The following UGT1A6 variants were observed in gnomAD, a reference collection of about 807,000 sequenced individuals.
UGT1A6 encodes the protein UDP-glucuronosyltransferase 1A6.
Under a neutral mutation model 44.4 loss-of-function variants are expected in UGT1A6, and 32 were observed. That is an observed-to-expected ratio of 0.72 (90% CI 0.54 to 0.97). The LOEUF (loss-of-function observed/expected upper bound fraction) is 0.97. Among genes scored for constraint, UGT1A6 ranks in the 50% least tolerant of loss-of-function variants. The probability of loss-of-function intolerance (pLI) is 0.00; values close to 1 mark genes in which losing one functional copy is unlikely to be tolerated. For missense variants in UGT1A6, 685 were observed against 661.9 expected, an observed-to-expected ratio of 1.03 and a Z score of -0.38; for synonymous variants, 238 against 248.5, an observed-to-expected ratio of 0.96 and a Z score of 0.40.
chr2:233,765,861 A>G (rs1698967280), intron 1 of UGT1A6, among the ~76,000 whole-genome samples: 1 of 152,118 alleles, frequency 6.6e-6, no homozygotes, highest in African/African-American at 2.4e-5. Flanking sequence ...AGAGCATGTG[A>G]CAGCGGGAGG....
chr2:233,740,777 G>C (rs541057948), intron 1 of UGT1A6: 2 of 151,918 alleles, frequency 1.3e-5, no homozygotes, highest in South Asian at 4.2e-4. Flanking sequence ...TTGTATAAAA[G>C]ATGAATACCC....
rs1054717922 is a variant in UGT1A6, at chr2:233,744,074, G to A, written c.862-22960G>A. On this transcript the variant is annotated intron_variant, in intron 1 of 4. Coordinates refer to ENST00000305139, the MANE Select transcript of UGT1A6 (RefSeq NM_001072.4). ...ATTGGTCGAGGCCTATGAGCGCCTC[G>A]CATCCCAAGATGCAGTGCTTCTGGG... The A allele has an allele frequency of 7.4e-5, 35 of 470,704 alleles. No homozygotes were observed. In the Middle Eastern group the frequency reaches 2.5e-3, roughly 34 times the overall value. 29.2% of individuals were successfully genotyped at this position (470,704 alleles called of 1,614,324 possible). A position where few individuals can be genotyped will look rare whatever the true frequency, so the allele number is the denominator to read the frequency against.
intron 1 of UGT1A6, among the ~76,000 whole-genome samples, chr2:233,705,135 TGA>T (rs1491386088): frequency 0.019 from 1,905 of 98,440 alleles, 46 homozygotes; most frequent in African/African-American, 0.1. Context: ...AGACTTCGTC[TGA>T]AAAAAAAAAA....
intron 1 of UGT1A6, among the ~76,000 whole-genome samples, chr2:233,748,343 G>A (rs192012783): frequency 6.6e-5 from 10 of 151,870 alleles, no homozygotes; most frequent in African/African-American, 1.2e-4. Flanking sequence ...GAGACTGTTC[G>A]TTTGTAAAGG....
intron 1 of UGT1A6, among the ~76,000 whole-genome samples, chr2:233,763,630 G>T (rs1698361398): frequency 6.6e-6 from 1 of 152,108 alleles, no homozygotes; most frequent in South Asian, 2.1e-4. Flanking sequence ...CTCTTGTGTT[G>T]ATGGTCCTAT....
intron 1 of UGT1A6, chr2:233,718,075 G>A (rs2076626489): frequency 1.7e-5 from 6 of 344,578 alleles, no homozygotes; most frequent in South Asian, 1.2e-4. Context: ...CCTTGCTAGG[G>A]TTGTCTTGCC....
intron 1 of UGT1A6, among the ~76,000 whole-genome samples, chr2:233,737,610 G>A (rs2078901280): frequency 6.6e-6 from 1 of 152,172 alleles, no homozygotes; most frequent in South Asian, 2.1e-4. Context: ...ACCTCAGTTG[G>A]AAATGCAGAA....
Position 233,692,901 on chromosome 2 carries a change from G to C in UGT1A6, c.-104G>C. ...ATTCAGAGCAAGGGAGAGGTAGACA[G>C]GACCTGTGAAAAGCAGTGGTTAGTT... On this transcript the variant is annotated 5_prime_UTR_variant, in exon 1 of 5. Transcript: ENST00000305139. 1 of 1,544,142 alleles carries C rather than the reference G, an allele frequency of 6.5e-7. No homozygotes were observed. The highest frequency in any genetic ancestry group is 8.7e-7 in the Non-Finnish European group (1 of 1,151,876).
At chr2:233,719,615 C>T in intron 1 of UGT1A6, 1 of 1,614,016 alleles carries the variant, frequency 6.2e-7, no homozygotes, top group Non-Finnish European at 8.5e-7. Flanking sequence ...TGATGGACTA[C>T]CCCAGGCCGA....
intron 1 of UGT1A6, among the ~76,000 whole-genome samples, chr2:233,695,490 A>G (rs1163711980): frequency 2.0e-5 from 3 of 149,960 alleles, no homozygotes; most frequent in East Asian, 3.9e-4. Flanking sequence ...TCTCTTTTCT[A>G]TCAAAGTTTT....
intron 1 of UGT1A6, among the ~76,000 whole-genome samples, chr2:233,742,284 C>G (rs1006206335): frequency 6.6e-6 from 1 of 151,974 alleles, no homozygotes. Context: ...AGCATCATTT[C>G]TATAGATTAT....
At chr2:233,741,345 A>C (rs1260340579) in intron 1 of UGT1A6, among the ~76,000 whole-genome samples, 2 of 151,734 alleles carry the variant, frequency 1.3e-5, no homozygotes, top group African/African-American at 2.4e-5. Flanking sequence ...AGTGATTTCC[A>C]ACACACAAAA....
intron 1 of UGT1A6, chr2:233,719,436 A>G (rs749964914): frequency 6.2e-7 from 1 of 1,613,962 alleles, no homozygotes; most frequent in Non-Finnish European, 8.5e-7. Context: ...AGACCACATG[A>G]CATTCCTGCA....
At chr2:233,758,324 A>G (rs1465079880) in intron 1 of UGT1A6, among the ~76,000 whole-genome samples, 5 of 152,226 alleles carry the variant, frequency 3.3e-5, no homozygotes, top group Admixed American at 3.3e-4. Context: ...AAGCAGCCTC[A>G]AAAAGCTTGG....
intron 1 of UGT1A6, chr2:233,718,803 T>G: frequency 6.2e-7 from 1 of 1,613,256 alleles, no homozygotes; most frequent in Non-Finnish European, 8.5e-7. Flanking sequence ...CAGTCAGCTG[T>G]CGGTGGCTTC....
At chr2:233,747,405 G>C (rs112085732) in intron 1 of UGT1A6, 2 of 1,607,054 alleles carry the variant, frequency 1.2e-6, no homozygotes, top group Non-Finnish European at 1.7e-6. Context: ...CACCCCAGAG[G>C]TGAATATGCA....
At chr2:233,743,792 G>C (rs775660405) in intron 1 of UGT1A6, 3 of 1,367,294 alleles carry the variant, frequency 2.2e-6, no homozygotes, top group Non-Finnish European at 2.9e-6. Flanking sequence ...TCTCCTCTCC[G>C]CTTCCTCCTT....
chr2:233,756,979 A>C (rs1394621821), intron 1 of UGT1A6, among the ~76,000 whole-genome samples: 3 of 152,152 alleles, frequency 2.0e-5, no homozygotes. Flanking sequence ...CGCAATGAAC[A>C]GTCATAGTAA....
At chr2:233,757,538 A>G (rs1235606271) in intron 1 of UGT1A6, among the ~76,000 whole-genome samples, 2 of 109,774 alleles carry the variant, frequency 1.8e-5, no homozygotes, top group East Asian at 2.1e-4. Context: ...TGTAAGGAAT[A>G]TATATATATA....
Sources: allele counts gnomAD v4.1 joint callset (sites outside exome capture counted in the v4.1 genomes callset), GRCh38; gene constraint gnomAD v4.1.1; transcripts MANE v1.5; gene names NCBI Gene and HGNC (gene_info 2026-07-23, HGNC 2026-07-21).